Variants in ERICH1 observed in about 807,000 individuals in gnomAD.
ERICH1 encodes glutamate rich 1.
ERICH1 carries 56 observed loss-of-function variants against 39.6 expected under a neutral mutation model. The ratio of observed to expected loss-of-function variants is 1.41; its 90% CI spans 1.14 to 1.77. The LOEUF (loss-of-function observed/expected upper bound fraction) is 1.77. Among genes scored for constraint, ERICH1 ranks in the 40% most tolerant of loss-of-function variants. The pLI is 0.00. For missense variants in ERICH1, 826 were observed against 575.4 expected, an observed-to-expected ratio of 1.44 and a Z score of -4.45; for synonymous variants, 313 against 223.6, an observed-to-expected ratio of 1.40 and a Z score of -3.57.
intron 3 of ERICH1, among the ~76,000 whole-genome samples, chr8:658,240 C>T (rs556133766): frequency 2.8e-4 from 43 of 152,326 alleles, no homozygotes; most frequent in African/African-American, 9.6e-4. Context: ...CCTTGCTTGC[C>T]CCTCCCCTTC....
rs1265587829 is a variant in ERICH1, at chr8:698,218, C to CT, written c.170-5607dup. Among the ~76,000 whole-genome samples, 228 of 94,578 alleles carry CT rather than the reference C, an allele frequency of 2.4e-3. 1 individual carries two copies. Among genetic ancestry groups the CT allele is most frequent in the African/African-American group, 6.5e-3 (214 of 33,088 alleles). The allele number at this position is 94,578 out of a possible 152,430, so 62.0% of individuals were successfully genotyped here. On this transcript the variant is annotated intron_variant, in intron 2 of 5. Coordinates refer to ENST00000262109, the MANE Select transcript of ERICH1 (RefSeq NM_207332.3). ...AGAAAGGCCATCCTAAATCATATTC[C>CT]TTTTCTTTTTTTTTTTTTGAGGTGG...
intron 3 of ERICH1, among the ~76,000 whole-genome samples, chr8:623,479 A>T (rs1466298480): frequency 6.6e-6 from 1 of 152,196 alleles, no homozygotes; most frequent in Non-Finnish European, 1.5e-5. Flanking sequence ...CTATTTTTTA[A>T]TTTAAAAATT....
intron 3 of ERICH1, among the ~76,000 whole-genome samples, chr8:618,109 A>G (rs1036797175): frequency 1.4e-5 from 2 of 139,454 alleles, no homozygotes; most frequent in Non-Finnish European, 3.1e-5. Context: ...TCACTGCCCT[A>G]TGCGTGCTCA....
Position 664,463 on chromosome 8 carries a change from C to A in ERICH1, c.*140G>T. On this transcript the variant is annotated 3_prime_UTR_variant, in exon 6 of 6. Transcript: ENST00000262109. ...TCTGAAGCCTCAGATGGCATCTTGCCCACCAGGAACAAACACGTGAATAAA... is the reference window on the plus strand; with the variant it reads ...TCTGAAGCCTCAGATGGCATCTTGCACACCAGGAACAAACACGTGAATAAA... 7.8e-7 allele frequency: 1 copy of A among 1,275,646 alleles called. No homozygotes were observed. 79.0% of individuals were successfully genotyped at this position (1,275,646 alleles called of 1,614,324 possible).
chr8:725,301 C>G (rs541745184), intron 1 of ERICH1: 1 of 155,372 alleles, frequency 6.4e-6, no homozygotes, highest in East Asian at 1.9e-4. Flanking sequence ...GCGGACAGGA[C>G]CAGCGGCAGT....
chr8:664,127 G>T, downstream of ERICH1: 8 of 586,368 alleles, frequency 1.4e-5, no homozygotes, highest in Non-Finnish European at 1.7e-5. Context: ...AAAGAAAATC[G>T]AAACAGGAAA....
intron 3 of ERICH1, chr8:625,853 T>G (rs137915943): frequency 1.3e-5 from 2 of 152,360 alleles, no homozygotes; most frequent in African/African-American, 4.8e-5. Flanking sequence ...AACACAGTTT[T>G]CACCTTGGGC....
Position 673,462 on chromosome 8 carries a change from T to C in ERICH1, c.890A>G (p.Asp297Gly), listed in dbSNP as rs774668364. The C allele has an allele frequency of 4.2e-5, 68 of 1,611,718 alleles. No homozygotes were observed. The highest frequency in any genetic ancestry group is 5.4e-5 in the Non-Finnish European group (64 of 1,179,932). ...EEDGKDTREE[D>G]GADASEEDPT... ...GTCTTCCTCGCTGGCGTCCGCACCG[T>C]CCTCCTCCCTGGTGTCTTTACCGTC... Residue 297 changes from aspartate to glycine, a missense_variant, in exon 4 of 6, where the codon GAC (aspartate) becomes GGC (glycine). Asp to Gly is a moderately conservative substitution (Grantham distance 94). Coordinates refer to ENST00000262109, the MANE Select transcript of ERICH1 (RefSeq NM_207332.3).
chr8:718,636 T>C (rs1816587753), intron 1 of ERICH1, among the ~76,000 whole-genome samples: 1 of 152,212 alleles, frequency 6.6e-6, no homozygotes, highest in Non-Finnish European at 1.5e-5. Flanking sequence ...ATAACTGACA[T>C]GGCAGAGGCC....
At chr8:670,066 C>A (rs1193936369) in intron 4 of ERICH1, among the ~76,000 whole-genome samples, 1 of 152,166 alleles carries the variant, frequency 6.6e-6, no homozygotes, top group Non-Finnish European at 1.5e-5. Context: ...TGTTTTCCAC[C>A]CGTTTTCTCT....
intron 2 of ERICH1, among the ~76,000 whole-genome samples, chr8:705,675 G>A (rs1316131602): frequency 6.6e-6 from 1 of 152,150 alleles, no homozygotes; most frequent in Admixed American, 6.5e-5. Flanking sequence ...CTTCTAGCCA[G>A]GGCAATTAGT....
chr8:631,089 C>T (rs79177890), intron 3 of ERICH1, among the ~76,000 whole-genome samples: 11,304 of 152,216 alleles, frequency 0.074, 861 homozygotes, highest in East Asian at 0.31. Flanking sequence ...CATGAGCAAC[C>T]ATGTGGACAG....
chr8:619,111 C>G (rs1470797333), intron 3 of ERICH1, among the ~76,000 whole-genome samples: 3 of 152,064 alleles, frequency 2.0e-5, no homozygotes, highest in East Asian at 3.9e-4. Flanking sequence ...CTGCTCTCTA[C>G]AGATGTGGAA....
At chr8:616,318 G>T (rs1487146026) in intron 3 of ERICH1, 4 of 340,064 alleles carry the variant, frequency 1.2e-5, no homozygotes, top group Non-Finnish European at 2.3e-5. Context: ...GGGGCAAGAG[G>T]GACGCGTTAA....
At chr8:619,955 A>G (rs1797176884) in intron 3 of ERICH1, among the ~76,000 whole-genome samples, 1 of 152,242 alleles carries the variant, frequency 6.6e-6, no homozygotes, top group Admixed American at 6.5e-5. Flanking sequence ...ATATTACATT[A>G]TAAAATAGCC....
intron 2 of ERICH1, among the ~76,000 whole-genome samples, chr8:704,615 TACAA>T (rs1460268315): frequency 4.6e-5 from 7 of 152,184 alleles, no homozygotes; most frequent in African/African-American, 1.7e-4. Flanking sequence ...AATACTGATG[TACAA>T]ACATTTTGAA....
At chr8:685,054 C>T (rs927589536) in intron 3 of ERICH1, among the ~76,000 whole-genome samples, 1 of 152,196 alleles carries the variant, frequency 6.6e-6, no homozygotes, top group Non-Finnish European at 1.5e-5. Flanking sequence ...CTGGAATCTC[C>T]TAATCCTAGC....
intron 3 of ERICH1, among the ~76,000 whole-genome samples, chr8:636,166 C>T (rs1798419941): frequency 6.6e-6 from 1 of 152,326 alleles, no homozygotes; most frequent in South Asian, 2.1e-4. Flanking sequence ...TCCCTGCGCC[C>T]CGGCCACCTC....
chr8:699,838 G>GGCGCACAGACCCTCACAC (rs1811381500), intron 2 of ERICH1, among the ~76,000 whole-genome samples: 1 of 58,392 alleles, frequency 1.7e-5, no homozygotes, highest in African/African-American at 6.1e-5. Flanking sequence ...GACCCGCACA[G>GGCGCACAGACCCTCACAC]GCGCACAGAC....
Sources: gnomAD v4.1 joint callset for allele counts (sites outside exome capture counted in the v4.1 genomes callset) on GRCh38, gnomAD v4.1.1 for gene constraint, MANE v1.5 for transcripts, NCBI Gene and HGNC (gene_info 2026-07-23, HGNC 2026-07-21) for gene names.